DENND11: variants seen among roughly 807,000 people sequenced by gnomAD.
DENND11 encodes DENN domain containing 11.
Under a neutral mutation model 49.2 loss-of-function variants are expected in DENND11, and 34 were observed. The ratio of observed to expected loss-of-function variants is 0.69; its 90% CI spans 0.53 to 0.92. The LOEUF (loss-of-function observed/expected upper bound fraction) is 0.92. DENND11 is among the 40% of genes least tolerant of loss of function. DENND11 has a pLI of 0.00. For missense variants in DENND11, 475 were observed against 581.6 expected, an observed-to-expected ratio of 0.82 and a Z score of 1.88; for synonymous variants, 238 against 230.3, an observed-to-expected ratio of 1.03 and a Z score of -0.30.
Position 141,659,377 on chromosome 7 carries a change from ATAC to A in DENND11, c.*3276_*3278del, listed in dbSNP as rs1797752704. On this transcript the variant is annotated 3_prime_UTR_variant, in exon 9 of 9. Transcript: ENST00000536163. ...AAATTCTAAACACATAATTTGGGCC[ATAC>A]TTTTAGTCTGGTAGGGGATAAGCCC... The A allele has an allele frequency of 6.6e-6, 1 of 152,246 alleles. No homozygotes were observed. The highest frequency in any genetic ancestry group is 1.5e-5 in the Non-Finnish European group (1 of 68,050). 9.4% of individuals were successfully genotyped at this position (152,246 alleles called of 1,614,324 possible). A position where few individuals can be genotyped will look rare whatever the true frequency, so the allele number is the denominator to read the frequency against.
intron 4 of DENND11, 144 bp downstream of exon 4, chr7:141,673,923 C>T: frequency 9.9e-7 from 1 of 1,014,782 alleles, no homozygotes; most frequent in African/African-American, 1.6e-5. Flanking sequence ...AAACCAAATG[C>T]TTATGTTGCA....
chr7:141,697,765 T>C (rs2117084624), intron 1 of DENND11, among the ~76,000 whole-genome samples: 1 of 152,306 alleles, frequency 6.6e-6, no homozygotes, highest in South Asian at 2.1e-4. Context: ...AAAATGCTTA[T>C]GTTTCATAGA....
chr7:141,665,766 A>G (rs1797885312), intron 5 of DENND11, among the ~76,000 whole-genome samples: 1 of 151,642 alleles, frequency 6.6e-6, no homozygotes, highest in Admixed American at 6.6e-5. Context: ...GAAATAATCT[A>G]CCACCCTCAA....
rs550795063 is a variant in DENND11, at chr7:141,683,778, C to G, written c.527+1700G>C. Among the ~76,000 whole-genome samples, 6 of 152,274 alleles carry G rather than the reference C, an allele frequency of 3.9e-5. No individual in the cohort carries two copies. In the South Asian group the frequency reaches 8.3e-4, roughly 21 times the overall value. ...CGACTAATTTCAGATAACAGTAGAA[C>G]AATATCTATAGCATCCTCAGGGGAA... is the stretch of plus-strand genomic sequence containing the variant. On this transcript the variant is annotated intron_variant, in intron 3 of 8. Transcript: ENST00000536163.
chr7:141,699,890 A>G (rs545939758), intron 1 of DENND11, among the ~76,000 whole-genome samples: 82 of 152,174 alleles, frequency 5.4e-4, no homozygotes, highest in African/African-American at 1.8e-3. Flanking sequence ...TTCTTTGCAC[A>G]GTAGCCTTAG....
rs368610978 is a variant in DENND11, at chr7:141,656,852, C to G, written c.*5804G>C. On this transcript the variant is annotated 3_prime_UTR_variant, in exon 9 of 9. Transcript: ENST00000536163. ...TGATATTCATAGATGTTATTTGTAC[C>G]ACAGAACAAAATCAATTCAAGAAAC... is the stretch of plus-strand genomic sequence containing the variant. The G allele has an allele frequency of 1.3e-5, 2 of 152,852 alleles. No individual in the cohort carries two copies. The highest frequency in any genetic ancestry group is 4.8e-5 in the African/African-American group (2 of 41,398). 9.5% of individuals were successfully genotyped at this position (152,852 alleles called of 1,614,324 possible).
At chr7:141,663,820 C>A (rs1424942433) in intron 8 of DENND11, 1 of 246,286 alleles carries the variant, frequency 4.1e-6, no homozygotes, top group Non-Finnish European at 7.8e-6. Context: ...ATATTCAGCG[C>A]AAGGAACTAC....
intron 1 of DENND11, among the ~76,000 whole-genome samples, chr7:141,691,432 A>T (rs1249120441): frequency 6.6e-6 from 1 of 152,210 alleles, no homozygotes; most frequent in Non-Finnish European, 1.5e-5. Context: ...TGTCCAGCCT[A>T]TGTCCTACTT....
At position 141,660,870 on chromosome 7, in the gene DENND11, T is replaced by C. The variant is rs1797780724; in HGVS notation, c.*1786A>G. ...TTTTTTCTTTTGTAAACATACACATTACTGAAATGACAGCAACCCACATTG... is the reference window on the plus strand; with the variant it reads ...TTTTTTCTTTTGTAAACATACACATCACTGAAATGACAGCAACCCACATTG... On this transcript the variant is annotated 3_prime_UTR_variant, in exon 9 of 9. Coordinates refer to ENST00000536163, the MANE Select transcript of DENND11 (RefSeq NM_001080392.2). 2 of 152,642 alleles carry C rather than the reference T, an allele frequency of 1.3e-5. No homozygotes were observed. Among genetic ancestry groups the C allele is most frequent in the South Asian group, 2.1e-4 (1 of 4,834 alleles). 9.5% of individuals were successfully genotyped at this position (152,642 alleles called of 1,614,324 possible).
chr7:141,665,435 G>T, intron 5 of DENND11, 117 bp from the exon 6 acceptor site: 1 of 1,407,552 alleles, frequency 7.1e-7, no homozygotes, highest in Non-Finnish European at 9.6e-7. Flanking sequence ...GATCCAGGTG[G>T]TCCTGGCGTT....
chr7:141,686,794 G>A, intron 1 of DENND11, 136 bp from the exon 2 acceptor site: 1 of 638,668 alleles, frequency 1.6e-6, no homozygotes. Flanking sequence ...GAGATGCTCA[G>A]AGCTCAGCCC....
intron 4 of DENND11, among the ~76,000 whole-genome samples, chr7:141,669,294 C>A (rs1249065451): frequency 6.8e-6 from 1 of 146,770 alleles, no homozygotes; most frequent in African/African-American, 2.5e-5. Context: ...GTGGCCCAGG[C>A]TGGAGTGCAG....
At chr7:141,677,522 T>A (rs1480963783) in intron 3 of DENND11, among the ~76,000 whole-genome samples, 1 of 77,910 alleles carries the variant, frequency 1.3e-5, no homozygotes, top group Non-Finnish European at 2.7e-5. Context: ...TATATATATG[T>A]ATATATATAT....
In DENND11 at chr7:141,670,062, G is replaced by A. The variant is rs1035127050; in HGVS notation, c.682-3637C>T. Reference sequence around the variant, plus strand: ...CCTGACCTCGTGATCCGCCCGCCTCGGCCTCCCAAAGTGCTGGGATTACAG... The same window carrying A: ...CCTGACCTCGTGATCCGCCCGCCTCAGCCTCCCAAAGTGCTGGGATTACAG... On this transcript the variant is annotated intron_variant, in intron 4 of 8. Coordinates refer to ENST00000536163, the MANE Select transcript of DENND11 (RefSeq NM_001080392.2). Among the ~76,000 whole-genome samples the A allele has an allele frequency of 4.0e-5, 6 of 150,594 alleles. No homozygotes were observed. The East Asian group carries it at 5.8e-4, about 15-fold the overall frequency.
In DENND11 at chr7:141,701,893, G is replaced by A. The variant is rs1177563046; in HGVS notation, c.261C>T (p.Pro87=). The change falls in exon 1 of 9, where the codon CCC becomes CCT. Residue 87 remains proline, a synonymous_variant. Coordinates refer to ENST00000536163, the MANE Select transcript of DENND11 (RefSeq NM_001080392.2). ...VVAVFVVTFD[P]RSGNMVEWCL... ...CCCCGGCGCGGCCCTCACCCGAGCG[G>A]GGGTCGAAGGTGACCACGAACACGG... The A allele has an allele frequency of 3.3e-6, 4 of 1,207,096 alleles. No individual in the cohort carries two copies. In the East Asian group the frequency reaches 1.4e-4, roughly 42 times the overall value. The allele number at this position is 1,207,096 out of a possible 1,614,324, so 74.8% of individuals were successfully genotyped here. A position where few individuals can be genotyped will look rare whatever the true frequency, so the allele number is the denominator to read the frequency against.
intron 3 of DENND11, among the ~76,000 whole-genome samples, chr7:141,677,268 T>A (rs1798071973): frequency 6.6e-6 from 1 of 151,166 alleles, no homozygotes. Flanking sequence ...CTAATAAATA[T>A]CCCAGCTACT....
chr7:141,701,759 G>T, intron 1 of DENND11, 127 bp downstream of exon 1: 1 of 802,344 alleles, frequency 1.2e-6, no homozygotes, highest in Non-Finnish European at 1.6e-6. Flanking sequence ...GGAGCCCGGG[G>T]CCGGCCCTGG....
chr7:141,671,891 T>G (rs1797987312), intron 4 of DENND11, among the ~76,000 whole-genome samples: 3 of 152,234 alleles, frequency 2.0e-5, no homozygotes. Flanking sequence ...TTGGGAAACC[T>G]GCAAATGACA....
chr7:141,669,244 G>GTTTTT (rs36043478), intron 4 of DENND11, among the ~76,000 whole-genome samples: 2 of 133,786 alleles, frequency 1.5e-5, no homozygotes, highest in African/African-American at 2.7e-5. Context: ...CTTCTTTAAA[G>GTTTTT]TTTTTTTTTT....
Sources: gnomAD v4.1 joint callset for allele counts (sites outside exome capture counted in the v4.1 genomes callset) on GRCh38, gnomAD v4.1.1 for gene constraint, MANE v1.5 for transcripts, NCBI Gene and HGNC (gene_info 2026-07-23, HGNC 2026-07-21) for gene names.